The following TDRD12 variants were observed in gnomAD, a reference collection of about 807,000 sequenced individuals.
TDRD12 encodes putative ATP-dependent RNA helicase TDRD12.
In TDRD12, 158 loss-of-function variants were observed where a neutral mutation model predicts 133.5. The observed-to-expected ratio is 1.18, with a 90% confidence interval of 1.04 to 1.35. TDRD12 has a LOEUF of 1.35. Ranked by LOEUF, TDRD12 falls within the 40% of genes most tolerant of loss-of-function variation. The pLI, the probability that TDRD12 is intolerant of heterozygous loss-of-function variation, is 0.00. For synonymous variants in TDRD12, 460 were observed against 477.9 expected, an observed-to-expected ratio of 0.96 and a Z score of 0.49; for missense variants, 1,443 against 1,321.3, an observed-to-expected ratio of 1.09 and a Z score of -1.43.
chr19:32,791,216 C>G, intron 13 of TDRD12, 148 bp downstream of exon 13: 1 of 825,158 alleles, frequency 1.2e-6, no homozygotes, highest in East Asian at 2.8e-5. Flanking sequence ...GCATGAGCCA[C>G]CACACTCGGC....
intron 8 of TDRD12, among the ~76,000 whole-genome samples, chr19:32,762,543 G>A (rs945601040): frequency 2.6e-5 from 4 of 152,126 alleles, no homozygotes; most frequent in Admixed American, 2.0e-4. Context: ...AGGTAATGGC[G>A]GTAGGAAAAA....
chr19:32,817,313 C>T (rs1967214374), intron 26 of TDRD12, among the ~76,000 whole-genome samples: 1 of 152,092 alleles, frequency 6.6e-6, no homozygotes, highest in Admixed American at 6.5e-5. Flanking sequence ...GCCCCCTACT[C>T]TCCTTTGTCT....
intron 8 of TDRD12, among the ~76,000 whole-genome samples, chr19:32,769,427 G>A (rs546840738): frequency 3.6e-4 from 55 of 152,288 alleles, no homozygotes; most frequent in African/African-American, 1.1e-3. Context: ...TTTTATCTCT[G>A]TTGCCAGGTG....
chr19:32,735,815 C>G (rs1190806915), intron 2 of TDRD12, among the ~76,000 whole-genome samples: 1 of 151,792 alleles, frequency 6.6e-6, no homozygotes, highest in Admixed American at 6.6e-5. Context: ...ACTAAAAATA[C>G]AAAAATTAGC....
chr19:32,811,950 C>G (rs887897192), intron 24 of TDRD12, among the ~76,000 whole-genome samples: 3 of 152,172 alleles, frequency 2.0e-5, no homozygotes, highest in African/African-American at 2.4e-5. Context: ...AATGGGCGGT[C>G]CCAGGAGAGG....
At chr19:32,821,224 A>G (rs1967376489) in exon 28 of TDRD12, 3 of 1,132,316 alleles carry the variant, frequency 2.6e-6, no homozygotes, top group East Asian at 2.6e-5. Context: ...CTACTTTGAG[A>G]TGAAATGTAG....
chr19:32,773,422 C>T (rs368578081), intron 9 of TDRD12, 34 bp from the exon 10 acceptor site: 11 of 1,527,412 alleles, frequency 7.2e-6, no homozygotes, highest in Non-Finnish European at 9.8e-6. Context: ...TGCTAGCATA[C>T]ACATTCTTTC....
downstream of TDRD12, among the ~76,000 whole-genome samples, chr19:32,822,885 C>T (rs1382563650): frequency 6.6e-6 from 1 of 152,232 alleles, no homozygotes; most frequent in African/African-American, 2.4e-5. Flanking sequence ...TTTTGATATT[C>T]ACTGTCTTTA....
chr19:32,768,100 T>A (rs1233504608), intron 8 of TDRD12, among the ~76,000 whole-genome samples: 1 of 152,194 alleles, frequency 6.6e-6, no homozygotes, highest in Non-Finnish European at 1.5e-5. Context: ...CTGTCAGAGC[T>A]GAGTTGAGTG....
chr19:32,799,426 A>G (rs1161908955), intron 16 of TDRD12, among the ~76,000 whole-genome samples: 1 of 152,202 alleles, frequency 6.6e-6, no homozygotes. Context: ...TAACTGGCCA[A>G]CAGTGGGATC....
At chr19:32,780,720 G>A (rs186021831) in intron 11 of TDRD12, among the ~76,000 whole-genome samples, 198 of 152,098 alleles carry the variant, frequency 1.3e-3, no homozygotes, top group Non-Finnish European at 1.6e-3. Context: ...CACACAGCAC[G>A]GCTGCTTCTC....
exon 27 of TDRD12, chr19:32,818,129 C>G (rs1488539501): frequency 1.4e-6 from 1 of 702,586 alleles, no homozygotes; most frequent in African/African-American, 1.7e-5. Flanking sequence ...AGACCAGGAT[C>G]ATCCATCCGA....
At chr19:32,727,049 A>G (rs1309666048) in intron 1 of TDRD12, among the ~76,000 whole-genome samples, 2 of 152,204 alleles carry the variant, frequency 1.3e-5, no homozygotes, top group African/African-American at 2.4e-5. Context: ...TTACATTCAT[A>G]CCAACAGTGC....
At chr19:32,815,785 G>A (rs1232182320) in intron 26 of TDRD12, among the ~76,000 whole-genome samples, 165 bp downstream of exon 26, 1 of 152,182 alleles carries the variant, frequency 6.6e-6, no homozygotes, top group Admixed American at 6.5e-5. Context: ...CACGAGGTCA[G>A]GAGATCAAGA....
At chr19:32,782,458 T>G (rs1970797878) in intron 11 of TDRD12, among the ~76,000 whole-genome samples, 2 of 152,302 alleles carry the variant, frequency 1.3e-5, no homozygotes, top group South Asian at 4.1e-4. Flanking sequence ...GTAGAATGAT[T>G]TATAATCCTT....
chr19:32,724,948 G>A lies in TDRD12; in HGVS notation c.24+4852G>A, dbSNP rs138602934. On this transcript the variant is annotated intron_variant, in intron 1 of 27. Coordinates refer to ENST00000444215, the Ensembl canonical transcript of TDRD12. ...TGGTATCTCATTGTGGTTTTGATTT[G>A]CATTTCTCTAATGATCAGTGATGTT... Among the ~76,000 whole-genome samples the A allele has an allele frequency of 2.8e-3, 423 of 152,200 alleles. 1 individual carries two copies. Among genetic ancestry groups the A allele is most frequent in the African/African-American group, 9.4e-3 (391 of 41,540 alleles).
intron 14 of TDRD12, 70 bp from the exon 15 acceptor site, chr19:32,797,665 T>C (rs1254998704): frequency 1.7e-6 from 1 of 579,808 alleles, no homozygotes; most frequent in Non-Finnish European, 3.1e-6. Context: ...GGAGATGTTC[T>C]TGATGTTTCA....
chr19:32,773,603 TG>T, intron 10 of TDRD12, 71 bp downstream of exon 10: 3 of 1,393,476 alleles, frequency 2.2e-6, no homozygotes, highest in Non-Finnish European at 3.0e-6. Flanking sequence ...GAGGCTGAGC[TG>T]GGGGGATCGC....
chr19:32,815,350 C>T, intron 25 of TDRD12, 98 bp from the exon 26 acceptor site: 3 of 1,024,052 alleles, frequency 2.9e-6, no homozygotes, highest in South Asian at 1.7e-5. Context: ...GCCAACGTGG[C>T]AGGCTGAATG....
Sources: allele counts gnomAD v4.1 joint callset (sites outside exome capture counted in the v4.1 genomes callset), GRCh38; gene constraint gnomAD v4.1.1; transcripts MANE v1.5; gene names NCBI Gene and HGNC (gene_info 2026-07-23, HGNC 2026-07-21).